KIAA0753: variants seen among roughly 807,000 people sequenced by gnomAD.
KIAA0753 encodes the protein protein moonraker.
Under a neutral mutation model 116.9 loss-of-function variants are expected in KIAA0753, and 114 were observed. That is an observed-to-expected ratio of 0.98 (90% CI 0.84 to 1.14). The LOEUF is 1.14. Ranked by LOEUF, KIAA0753 falls within the 50% of genes most tolerant of loss-of-function variation. The pLI, the probability that KIAA0753 is intolerant of heterozygous loss-of-function variation, is 0.00. For missense variants in KIAA0753, 1,156 were observed against 1,172.4 expected (o/e 0.99, Z 0.20); for synonymous variants, 405 against 413.1 (o/e 0.98, Z 0.24).
intron 8 of KIAA0753, 75 bp downstream of exon 8, chr17:6,611,844 C>T: frequency 8.2e-7 from 1 of 1,224,738 alleles, no homozygotes; most frequent in Non-Finnish European, 1.2e-6. Flanking sequence ...ACTGGCTCCA[C>T]CATATACCAG....
At chr17:6,610,478 C>T (rs1375848061) in intron 8 of KIAA0753, among the ~76,000 whole-genome samples, 1 of 149,734 alleles carries the variant, frequency 6.7e-6, no homozygotes, top group East Asian at 2.0e-4. Context: ...AATTTCATAC[C>T]ATATTGTTAA....
intron 12 of KIAA0753, among the ~76,000 whole-genome samples, chr17:6,605,818 A>T (rs1034469213): frequency 9.9e-5 from 15 of 152,116 alleles, no homozygotes; most frequent in African/African-American, 3.6e-4. Context: ...TTCATTCTGT[A>T]ATATTTTGGA....
intron 18 of KIAA0753, among the ~76,000 whole-genome samples, chr17:6,589,065 A>G (rs1968794656): frequency 6.6e-6 from 1 of 152,166 alleles, no homozygotes; most frequent in Non-Finnish European, 1.5e-5. Context: ...ATCAGCTCTA[A>G]CTGACTCCTG....
At chr17:6,602,544 A>G (rs550793017) in intron 12 of KIAA0753, among the ~76,000 whole-genome samples, 1 of 152,340 alleles carries the variant, frequency 6.6e-6, no homozygotes, top group African/African-American at 2.4e-5. Flanking sequence ...TTCTATTCAT[A>G]TAAAGTCTGA....
chr17:6,613,716 G>C (rs899831600), intron 7 of KIAA0753, among the ~76,000 whole-genome samples: 1 of 152,064 alleles, frequency 6.6e-6, no homozygotes, highest in African/African-American at 2.4e-5. Context: ...GCCTCACATT[G>C]AACACTTAAA....
chr17:6,583,380 C>T (rs1039710274), intron 18 of KIAA0753, among the ~76,000 whole-genome samples: 21 of 152,220 alleles, frequency 1.4e-4, no homozygotes, highest in Middle Eastern at 6.8e-3. Context: ...CTTGAATCTA[C>T]GGCTTGATGT....
intron 10 of KIAA0753, 80 bp from the exon 11 acceptor site, chr17:6,607,350 C>G (rs1047369663): frequency 8.9e-7 from 1 of 1,120,612 alleles, no homozygotes; most frequent in African/African-American, 1.5e-5. Context: ...GACCAGAAAT[C>G]AGGACCACTG....
chr17:6,633,476 A>G (rs902153748), intron 2 of KIAA0753, among the ~76,000 whole-genome samples: 2 of 152,222 alleles, frequency 1.3e-5, no homozygotes, highest in African/African-American at 4.8e-5. Flanking sequence ...AAAAAGGTCC[A>G]ATGGTTTGTT....
intron 11 of KIAA0753, 94 bp downstream of exon 11, chr17:6,607,087 G>A: frequency 2.9e-6 from 4 of 1,387,824 alleles, no homozygotes; most frequent in Non-Finnish European, 4.1e-6. Context: ...AGGCAGAAGT[G>A]TAGCTAGACC....
At chr17:6,609,916 A>G (rs534969538) in intron 9 of KIAA0753, 78 bp downstream of exon 9, 26 of 1,507,056 alleles carry the variant, frequency 1.7e-5, no homozygotes, top group Middle Eastern at 2.3e-4. Flanking sequence ...TTTGCTCCTT[A>G]TAAGCTACAG....
intron 16 of KIAA0753, among the ~76,000 whole-genome samples, chr17:6,593,329 C>T (rs1030358835): frequency 6.6e-6 from 1 of 152,182 alleles, no homozygotes; most frequent in African/African-American, 2.4e-5. Context: ...CCTGTAATCC[C>T]AGCACTTCGG....
rs116649935 is a variant in KIAA0753 at position 6,621,908 on chromosome 17, G to T, written c.1105-910C>A. Among the ~76,000 whole-genome samples, 978 of 152,250 alleles carry T rather than the reference G, an allele frequency of 6.4e-3. 9 individuals are homozygous for T. The highest frequency in any genetic ancestry group is 0.023 in the African/African-American group (943 of 41,536). ...GCATTTGACAACAGCATTCCTCACA[G>T]TGAGTTCTATATACACGAATGTAAC... On this transcript the variant is annotated intron_variant, in intron 6 of 18. Coordinates refer to ENST00000361413, the MANE Select transcript of KIAA0753 (RefSeq NM_014804.3).
At chr17:6,618,465 G>C (rs1971081811) in intron 7 of KIAA0753, among the ~76,000 whole-genome samples, 1 of 152,174 alleles carries the variant, frequency 6.6e-6, no homozygotes, top group Non-Finnish European at 1.5e-5. Context: ...GGTCTCTTAT[G>C]GGACTGAAAC....
At position 6,589,897 on chromosome 17, in the gene KIAA0753, AG is replaced by A. The variant is rs776939377; in HGVS notation, c.2667del (p.Phe890LeufsTer29). The part of the protein sequence containing the change: ...DSQQKEGRAP[L>X]FVPPGMQHSI... ...CTGTGCTGCATACCCGGTGGGACAA[AG>A]AGGGGAGCTCGGCCTTCTTTCTGTT... On this transcript the variant is annotated frameshift_variant, in exon 18 of 19. Transcript: ENST00000361413. LOFTEE classifies it high-confidence loss of function. The A allele has an allele frequency of 3.1e-6, 5 of 1,613,772 alleles. No homozygotes were observed. Among genetic ancestry groups the A allele is most frequent in the Non-Finnish European group, 3.4e-6 (4 of 1,179,908 alleles).
In KIAA0753 at chr17:6,590,509, C is replaced by G. The variant is rs1231497330; in HGVS notation, c.2561+1G>C. The G allele has an allele frequency of 6.2e-7, 1 of 1,613,866 alleles. No homozygotes were observed. Among genetic ancestry groups the G allele is most frequent in the African/African-American group, 1.3e-5 (1 of 75,042 alleles). Reference sequence around the variant, plus strand: ...AATCAGAAAGTGTCTTTGCCACTTACTTGCCATTACAGGGCCTTTCTAACA... The same window carrying G: ...AATCAGAAAGTGTCTTTGCCACTTAGTTGCCATTACAGGGCCTTTCTAACA... On this transcript the variant is annotated splice_donor_variant, in intron 17 of 18. Coordinates refer to ENST00000361413, the MANE Select transcript of KIAA0753 (RefSeq NM_014804.3). LOFTEE classifies it high-confidence loss of function.
intron 2 of KIAA0753, among the ~76,000 whole-genome samples, chr17:6,632,908 A>G (rs751258332): frequency 6.6e-6 from 1 of 152,238 alleles, no homozygotes; most frequent in Non-Finnish European, 1.5e-5. Context: ...AAATCAGATT[A>G]AAGGAGACTA....
At chr17:6,586,077 T>TA (rs1022382759) in intron 18 of KIAA0753, among the ~76,000 whole-genome samples, 1 of 152,094 alleles carries the variant, frequency 6.6e-6, no homozygotes, top group Non-Finnish European at 1.5e-5. Flanking sequence ...TTCTTCATGA[T>TA]AGTGAGTTCT....
In KIAA0753 at chr17:6,633,386, A is replaced by G. The variant is rs547948746; in HGVS notation, c.93+1625T>C. On this transcript the variant is annotated intron_variant, in intron 2 of 18. Coordinates refer to ENST00000361413, the MANE Select transcript of KIAA0753 (RefSeq NM_014804.3). ...CACCAGAATGGCTAAAGAGACAACA[A>G]CAAGTGTTGGCAAAGATGTGGAGCA... is the stretch of plus-strand genomic sequence containing the variant. 2.0e-5 allele frequency among the ~76,000 whole-genome samples: 3 copies of G among 152,340 alleles called. No individual in the cohort carries two copies. The South Asian group carries it at 6.2e-4, about 32-fold the overall frequency.
chr17:6,598,884 G>T (rs1050119616), intron 14 of KIAA0753, among the ~76,000 whole-genome samples: 3 of 152,172 alleles, frequency 2.0e-5, no homozygotes, highest in African/African-American at 7.2e-5. Context: ...GGACAATAAT[G>T]AGTGAAACTA....
Sources: gnomAD v4.1 joint callset for allele counts (sites outside exome capture counted in the v4.1 genomes callset) on GRCh38, gnomAD v4.1.1 for gene constraint, MANE v1.5 for transcripts, NCBI Gene and HGNC (gene_info 2026-07-23, HGNC 2026-07-21) for gene names.